Variants in CMTM8 observed in about 807,000 individuals in gnomAD.
CMTM8 encodes the protein CKLF-like MARVEL transmembrane domain-containing protein 8.
Under a neutral mutation model 18.6 loss-of-function variants are expected in CMTM8, and 12 were observed. The ratio of observed to expected loss-of-function variants is 0.65; its 90% CI spans 0.41 to 1.05. The LOEUF (loss-of-function observed/expected upper bound fraction) is 1.05. Among genes scored for constraint, CMTM8 ranks in the 50% least tolerant of loss-of-function variants. CMTM8 has a pLI of 0.00. For missense variants in CMTM8, 217 were observed against 227.2 expected, an observed-to-expected ratio of 0.95 and a Z score of 0.29; for synonymous variants, 87 against 90.6, an observed-to-expected ratio of 0.96 and a Z score of 0.23.
intron 1 of CMTM8, among the ~76,000 whole-genome samples, chr3:32,346,700 G>A (rs768990262): frequency 6.6e-6 from 1 of 151,958 alleles, no homozygotes; most frequent in Non-Finnish European, 1.5e-5. Context: ...AAGGCCCTAC[G>A]TCCTGATACC....
intron 1 of CMTM8, among the ~76,000 whole-genome samples, chr3:32,248,372 T>C (rs1702069703): frequency 6.6e-6 from 1 of 152,134 alleles, no homozygotes; most frequent in South Asian, 2.1e-4. Context: ...GTATAAGCTT[T>C]TTTTTTTGAC....
chr3:32,310,152 A>T (rs78117272), intron 1 of CMTM8, among the ~76,000 whole-genome samples: 14,177 of 143,806 alleles, frequency 0.099, 1,064 homozygotes, highest in East Asian at 0.44. Flanking sequence ...GATTTTTAAA[A>T]TTGTGGTTTT....
rs1183060497 is a variant in CMTM8 at position 32,350,047 on chromosome 3, C to T, written c.148-7326C>T. Among the ~76,000 whole-genome samples the T allele has an allele frequency of 4.6e-5, 7 of 151,988 alleles. No homozygotes were observed. In the East Asian group the frequency reaches 1.2e-3, roughly 25 times the overall value. ...CTTATTGGCACAAAATGTCAATATG[C>T]CTGAGGTTGAGGAATCCTAATCTAG... On this transcript the variant is annotated intron_variant, in intron 1 of 3. Coordinates refer to ENST00000307526, the MANE Select transcript of CMTM8 (RefSeq NM_178868.5).
At chr3:32,336,545 C>T (rs944679800) in intron 1 of CMTM8, among the ~76,000 whole-genome samples, 3 of 152,248 alleles carry the variant, frequency 2.0e-5, no homozygotes, top group African/African-American at 7.2e-5. Flanking sequence ...ATAATCATAT[C>T]TCCATCATAC....
intron 1 of CMTM8, among the ~76,000 whole-genome samples, chr3:32,308,317 T>C (rs1275067829): frequency 1.3e-5 from 2 of 152,172 alleles, no homozygotes; most frequent in African/African-American, 4.8e-5. Context: ...AAAATCAAGC[T>C]ACAGAAAAAT....
Position 32,323,512 on chromosome 3 carries a change from AC to A in CMTM8, c.148-33856del, listed in dbSNP as rs199603421. Among the ~76,000 whole-genome samples the A allele has an allele frequency of 7.4e-3, 1,127 of 152,152 alleles. 6 individuals are homozygous for A. Among genetic ancestry groups the A allele is most frequent in the South Asian group, 0.016 (75 of 4,808 alleles). On this transcript the variant is annotated intron_variant, in intron 1 of 3. Coordinates refer to ENST00000307526, the MANE Select transcript of CMTM8 (RefSeq NM_178868.5). ...CCTATAAGGTAACCTTGTAACTTTT[AC>A]CCCCAATAGTCTTTCCATATAAACA...
intron 1 of CMTM8, among the ~76,000 whole-genome samples, chr3:32,266,133 C>G (rs1314826973): frequency 1.3e-5 from 2 of 150,672 alleles, no homozygotes; most frequent in Non-Finnish European, 1.5e-5. Context: ...ATACCAAAGC[C>G]TGGCAGAGAC....
chr3:32,271,482 C>T (rs1462886860), intron 1 of CMTM8, among the ~76,000 whole-genome samples: 2 of 152,210 alleles, frequency 1.3e-5, no homozygotes, highest in Admixed American at 1.3e-4. Context: ...TCATTTTGCA[C>T]CTTACAGAAT....
chr3:32,303,375 C>A (rs140707015), intron 1 of CMTM8, among the ~76,000 whole-genome samples: 3 of 152,198 alleles, frequency 2.0e-5, no homozygotes, highest in Non-Finnish European at 4.4e-5. Flanking sequence ...TTTGAGAACT[C>A]TGATGCATCA....
intron 1 of CMTM8, among the ~76,000 whole-genome samples, chr3:32,246,148 C>G (rs1415204325): frequency 1.3e-5 from 2 of 152,178 alleles, no homozygotes; most frequent in Admixed American, 1.3e-4. Flanking sequence ...GTAAACTACT[C>G]TTTTTGTTTC....
intron 1 of CMTM8, among the ~76,000 whole-genome samples, chr3:32,344,500 A>G (rs1696557451): frequency 6.6e-6 from 1 of 152,186 alleles, no homozygotes; most frequent in South Asian, 2.1e-4. Context: ...ACTTTTTAAC[A>G]CTGCCATCAG....
At chr3:32,294,071 T>G (rs1425930968) in intron 1 of CMTM8, among the ~76,000 whole-genome samples, 1 of 152,196 alleles carries the variant, frequency 6.6e-6, no homozygotes, top group East Asian at 1.9e-4. Flanking sequence ...AGCAGTGACT[T>G]GAGAGGCCAG....
At chr3:32,297,485 C>T (rs1285502407) in intron 1 of CMTM8, among the ~76,000 whole-genome samples, 2 of 148,046 alleles carry the variant, frequency 1.4e-5, no homozygotes, top group African/African-American at 2.5e-5. Flanking sequence ...TGGCCTGTAC[C>T]TAAACTTTTG....
rs559471130 is a variant in CMTM8, at chr3:32,349,488, C to T, written c.148-7885C>T. 1.1e-3 allele frequency among the ~76,000 whole-genome samples: 166 copies of T among 152,186 alleles called. 1 individual carries two copies. In the South Asian group the frequency reaches 0.017, roughly 16 times the overall value. On this transcript the variant is annotated intron_variant, in intron 1 of 3. Transcript: ENST00000307526. The stretch of plus-strand genomic sequence containing the variant: ...TATAATGTTCAGACCTTCAACTGTG[C>T]GCCTCAATCCAGAGACTGTTTCGTT...
intron 1 of CMTM8, among the ~76,000 whole-genome samples, chr3:32,330,505 A>G (rs1409654766): frequency 6.6e-6 from 1 of 152,198 alleles, no homozygotes; most frequent in African/African-American, 2.4e-5. Context: ...TGTTTGTTTT[A>G]TATGTATATA....
intron 1 of CMTM8, among the ~76,000 whole-genome samples, chr3:32,297,560 T>TAA: frequency 6.6e-6 from 1 of 152,188 alleles, no homozygotes; most frequent in South Asian, 2.1e-4. Flanking sequence ...AATACAGTGG[T>TAA]AACCTTGCAC....
intron 2 of CMTM8, among the ~76,000 whole-genome samples, chr3:32,360,816 T>C (rs1696908830): frequency 6.6e-6 from 1 of 152,242 alleles, no homozygotes; most frequent in South Asian, 2.1e-4. Flanking sequence ...AATTCTGATT[T>C]GTACTGACTG....
intron 2 of CMTM8, among the ~76,000 whole-genome samples, chr3:32,365,313 A>AAAG (rs1553608465): frequency 6.6e-6 from 1 of 151,862 alleles, no homozygotes; most frequent in Non-Finnish European, 1.5e-5. Flanking sequence ...GAAAAAAAAA[A>AAAG]AGAGAGAAAG....
intron 2 of CMTM8, among the ~76,000 whole-genome samples, chr3:32,361,299 T>TTTTTTTTTTTTTTTTTTC (rs1696925620): frequency 6.8e-6 from 1 of 147,666 alleles, no homozygotes; most frequent in Non-Finnish European, 1.5e-5. Context: ...TTTTTTTCTT[T>TTTTTTTTTTTTTTTTTTC]CAAATTTTGG....
Sources: allele counts gnomAD v4.1 joint callset (sites outside exome capture counted in the v4.1 genomes callset), GRCh38; gene constraint gnomAD v4.1.1; transcripts MANE v1.5; gene names NCBI Gene and HGNC (gene_info 2026-07-23, HGNC 2026-07-21).